The following SLC16A7 variants were observed in gnomAD, a reference collection of about 807,000 sequenced individuals.
SLC16A7 encodes the protein monocarboxylate transporter 2.
Under a neutral mutation model 34.9 loss-of-function variants are expected in SLC16A7, and 33 were observed. The observed-to-expected ratio is 0.94, with a 90% CI of 0.72 to 1.26. SLC16A7 has a LOEUF of 1.26. SLC16A7 is among the 50% of genes most tolerant of loss of function. The probability of loss-of-function intolerance (pLI) is 0.00; values close to 1 mark genes in which losing one functional copy is unlikely to be tolerated. For synonymous variants in SLC16A7, 201 were observed against 206.6 expected (o/e 0.97, Z 0.23); for missense variants, 573 against 578.1 (o/e 0.99, Z 0.09).
chr12:59,622,480 A>G (rs1390843526), intron 1 of SLC16A7, among the ~76,000 whole-genome samples: 2 of 151,832 alleles, frequency 1.3e-5, no homozygotes, highest in South Asian at 2.1e-4. Flanking sequence ...TATATTCTGT[A>G]TATTCTGCAT....
intron 3 of SLC16A7, chr12:59,761,344 C>A (rs1421602682): frequency 3.1e-6 from 1 of 318,530 alleles, no homozygotes; most frequent in African/African-American, 2.2e-5. Context: ...GGTAAATGTA[C>A]TACTTAAGTT....
chr12:59,750,651 G>A (rs961213435), intron 3 of SLC16A7, among the ~76,000 whole-genome samples: 2 of 152,154 alleles, frequency 1.3e-5, no homozygotes, highest in African/African-American at 4.8e-5. Context: ...AGATGGTATG[G>A]CGATTCCTCA....
intron 1 of SLC16A7, among the ~76,000 whole-genome samples, chr12:59,637,757 C>T (rs1880497619): frequency 6.6e-6 from 1 of 152,124 alleles, no homozygotes; most frequent in Admixed American, 6.6e-5. Context: ...CAATGCAACA[C>T]TGTTAAGAGG....
chr12:59,775,550 G>C, intron 5 of SLC16A7, 75 bp downstream of exon 5: 1 of 1,007,604 alleles, frequency 9.9e-7, no homozygotes. Flanking sequence ...ATATACAGAT[G>C]TTTAAATGTG....
intron 3 of SLC16A7, among the ~76,000 whole-genome samples, chr12:59,744,863 T>A (rs1431171879): frequency 6.6e-6 from 1 of 152,074 alleles, no homozygotes; most frequent in Non-Finnish European, 1.5e-5. Flanking sequence ...CACTCCCTCT[T>A]GCGAGGGGTG....
intron 2 of SLC16A7, among the ~76,000 whole-genome samples, chr12:59,660,478 T>A (rs1868787129): frequency 6.6e-6 from 1 of 151,598 alleles, no homozygotes. Context: ...ATGGAGGTTT[T>A]ATACTTTTAT....
At chr12:59,693,436 T>C (rs1353871199) in intron 2 of SLC16A7, among the ~76,000 whole-genome samples, 3 of 151,940 alleles carry the variant, frequency 2.0e-5, no homozygotes, top group Non-Finnish European at 4.4e-5. Flanking sequence ...ACTAATAGTT[T>C]CATTACTCCT....
At chr12:59,743,569 G>A in intron 3 of SLC16A7, among the ~76,000 whole-genome samples, 1 of 152,048 alleles carries the variant, frequency 6.6e-6, no homozygotes. Context: ...GTAAAGGAAT[G>A]AACAAATTTT....
rs978803709 is a variant in SLC16A7, at chr12:59,785,805, A to G, written c.*6126A>G. Reference sequence around the variant, plus strand: ...GATTTTTTGTTTCTTTTTAATTTAAATATGGCAAAATAAGCTAGAGAATCT... The same window carrying G: ...GATTTTTTGTTTCTTTTTAATTTAAGTATGGCAAAATAAGCTAGAGAATCT... On this transcript the variant is annotated 3_prime_UTR_variant, in exon 6 of 6. Coordinates refer to ENST00000547379, the MANE Select transcript of SLC16A7 (RefSeq NM_001270623.2). 6.6e-6 allele frequency: 1 copy of G among 152,136 alleles called. No homozygotes were observed. 9.4% of individuals were successfully genotyped at this position (152,136 alleles called of 1,614,324 possible).
intron 2 of SLC16A7, among the ~76,000 whole-genome samples, chr12:59,676,723 A>G (rs946114195): frequency 3.9e-5 from 6 of 152,168 alleles, no homozygotes; most frequent in Non-Finnish European, 8.8e-5. Flanking sequence ...GAGGGAGTAC[A>G]GATAATACAT....
At chr12:59,766,077 T>G (rs1881590512) in intron 3 of SLC16A7, among the ~76,000 whole-genome samples, 1 of 152,180 alleles carries the variant, frequency 6.6e-6, no homozygotes, top group Non-Finnish European at 1.5e-5. Context: ...TCCTAGGTAT[T>G]TTAATTCTCT....
chr12:59,659,439 G>C (rs755886844), intron 2 of SLC16A7, among the ~76,000 whole-genome samples: 14 of 151,958 alleles, frequency 9.2e-5, no homozygotes, highest in Non-Finnish European at 2.1e-4. Context: ...ACCCTCCAAT[G>C]TCTATTATTC....
chr12:59,624,836 T>A (rs1017887256), intron 1 of SLC16A7, among the ~76,000 whole-genome samples: 1 of 151,434 alleles, frequency 6.6e-6, no homozygotes, highest in Non-Finnish European at 1.5e-5. Context: ...GCAGTTTTAT[T>A]GAGTGACAGC....
chr12:59,752,862 C>G (rs1255487341), intron 3 of SLC16A7, among the ~76,000 whole-genome samples: 1 of 152,174 alleles, frequency 6.6e-6, no homozygotes, highest in Non-Finnish European at 1.5e-5. Flanking sequence ...AGAGAAAGAT[C>G]GGGTTACCCA....
chr12:59,720,047 C>T, intron 3 of SLC16A7: 1 of 695,180 alleles, frequency 1.4e-6, no homozygotes, highest in South Asian at 1.5e-5. Context: ...AGGAATGCCT[C>T]ATGACTATAC....
chr12:59,621,017 G>A (rs1879675330), intron 1 of SLC16A7, among the ~76,000 whole-genome samples: 2 of 151,846 alleles, frequency 1.3e-5, no homozygotes, highest in Admixed American at 1.3e-4. Flanking sequence ...CAGCCCACTG[G>A]ACAGTTGCAT....
At position 59,787,378 on chromosome 12, in the gene SLC16A7, T is replaced by C. The variant is rs1359211926; in HGVS notation, c.*7699T>C. Reference sequence around the variant, plus strand: ...ATTTCTTATTTTATGAATGTTTTCTTCACCTAATAAACAATACTAAAATCC... The same window carrying C: ...ATTTCTTATTTTATGAATGTTTTCTCCACCTAATAAACAATACTAAAATCC... On this transcript the variant is annotated 3_prime_UTR_variant, in exon 6 of 6. Coordinates refer to ENST00000547379, the MANE Select transcript of SLC16A7 (RefSeq NM_001270623.2). The C allele has an allele frequency of 6.6e-6, 1 of 152,210 alleles. No individual in the cohort carries two copies. Among genetic ancestry groups the C allele is most frequent in the East Asian group, 1.9e-4 (1 of 5,194 alleles). The allele number at this position is 152,210 out of a possible 1,614,324, so 9.4% of individuals were successfully genotyped here. A position where few individuals can be genotyped will look rare whatever the true frequency, so the allele number is the denominator to read the frequency against.
chr12:59,762,620 AC>A (rs956958651), intron 3 of SLC16A7, among the ~76,000 whole-genome samples: 10 of 152,204 alleles, frequency 6.6e-5, no homozygotes, highest in African/African-American at 2.4e-4. Context: ...AGAAACAGTA[AC>A]TTCTTTCTAA....
chr12:59,773,693 T>C (rs1449655355), intron 4 of SLC16A7, among the ~76,000 whole-genome samples: 4 of 152,040 alleles, frequency 2.6e-5, no homozygotes, highest in African/African-American at 9.7e-5. Flanking sequence ...GCCTACCAAG[T>C]AGCTGGGATT....
Sources: gnomAD v4.1 joint callset for allele counts (sites outside exome capture counted in the v4.1 genomes callset) on GRCh38, gnomAD v4.1.1 for gene constraint, MANE v1.5 for transcripts, NCBI Gene and HGNC (gene_info 2026-07-23, HGNC 2026-07-21) for gene names.